Variants in METAP1 observed in about 807,000 individuals in gnomAD.
METAP1 encodes the protein methionine aminopeptidase 1.
Under a neutral mutation model 53.8 loss-of-function variants are expected in METAP1, and 28 were observed. That is an observed-to-expected ratio of 0.52 (90% CI 0.39 to 0.71). The LOEUF is 0.71. Among genes scored for constraint, METAP1 ranks in the 30% least tolerant of loss-of-function variants. The pLI, the probability that METAP1 is intolerant of heterozygous loss-of-function variation, is 0.00. For synonymous variants in METAP1, 181 were observed against 165.7 expected, an observed-to-expected ratio of 1.09 and a Z score of -0.71; for missense variants, 389 against 479.8, an observed-to-expected ratio of 0.81 and a Z score of 1.77.
At chr4:99,048,213 G>A (rs1343078519) in intron 8 of METAP1, among the ~76,000 whole-genome samples, 1 of 152,114 alleles carries the variant, frequency 6.6e-6, no homozygotes, top group Non-Finnish European at 1.5e-5. Flanking sequence ...TGAGTCTAAC[G>A]TTTTTGGCAT....
chr4:99,033,856 A>C (rs1725237159), intron 2 of METAP1, among the ~76,000 whole-genome samples: 1 of 152,166 alleles, frequency 6.6e-6, no homozygotes, highest in African/African-American at 2.4e-5. Context: ...AGGTTTTACT[A>C]GGGCTTATGT....
chr4:99,060,374 T>TC (rs978438303), intron 10 of METAP1, among the ~76,000 whole-genome samples: 2 of 148,860 alleles, frequency 1.3e-5, no homozygotes, highest in Non-Finnish European at 3.0e-5. Context: ...TTTTTTTTTT[T>TC]TTTTTTTGAG....
At chr4:99,037,893 G>A (rs1725551444) in intron 4 of METAP1, 1 of 151,818 alleles carries the variant, frequency 6.6e-6, no homozygotes, top group Admixed American at 6.6e-5. Flanking sequence ...GATTAATTTT[G>A]GAAGAATTGA....
chr4:99,058,916 A>G (rs748043157), intron 10 of METAP1, among the ~76,000 whole-genome samples: 7 of 152,266 alleles, frequency 4.6e-5, no homozygotes, highest in South Asian at 2.1e-4. Flanking sequence ...GTTATGTTAT[A>G]TACTTTAAAA....
intron 1 of METAP1, among the ~76,000 whole-genome samples, chr4:99,010,252 G>A (rs1723401214): frequency 1.3e-5 from 2 of 152,116 alleles, no homozygotes; most frequent in South Asian, 2.1e-4. Flanking sequence ...CCAGGAATTC[G>A]AAACCAGTTT....
chr4:99,030,795 T>A (rs1385439422), intron 2 of METAP1, among the ~76,000 whole-genome samples: 1 of 146,090 alleles, frequency 6.8e-6, no homozygotes, highest in African/African-American at 2.5e-5. Context: ...TTTTTTTTTT[T>A]AAGTATAGTG....
intron 10 of METAP1, 60 bp downstream of exon 10, chr4:99,057,878 C>G (rs1177620514): frequency 2.6e-5 from 37 of 1,426,584 alleles, no homozygotes; most frequent in Non-Finnish European, 3.5e-5. Flanking sequence ...TTAGGTAATT[C>G]ATCATGTCAG....
At chr4:99,019,527 A>G (rs999412179) in intron 1 of METAP1, among the ~76,000 whole-genome samples, 2 of 151,808 alleles carry the variant, frequency 1.3e-5, no homozygotes, top group Admixed American at 6.6e-5. Context: ...CTACATCTCC[A>G]CCCTTTATGA....
At chr4:99,038,515 A>G (rs1034394135) in intron 4 of METAP1, among the ~76,000 whole-genome samples, 1 of 152,122 alleles carries the variant, frequency 6.6e-6, no homozygotes, top group African/African-American at 2.4e-5. Context: ...GCCTTCTGGT[A>G]TGAATCTCAC....
intron 1 of METAP1, among the ~76,000 whole-genome samples, chr4:99,008,568 T>C (rs1212043192): frequency 1.3e-5 from 2 of 152,196 alleles, no homozygotes; most frequent in Admixed American, 6.5e-5. Flanking sequence ...TATATACAGG[T>C]TAAGAACATG....
At chr4:99,056,719 G>A (rs1280091087) in intron 9 of METAP1, among the ~76,000 whole-genome samples, 1 of 151,812 alleles carries the variant, frequency 6.6e-6, no homozygotes, top group Admixed American at 6.6e-5. Flanking sequence ...ACAGGCCCCC[G>A]CCACCACGCC....
chr4:98,998,607 G>A (rs1185251582), intron 1 of METAP1, among the ~76,000 whole-genome samples: 4 of 152,152 alleles, frequency 2.6e-5, no homozygotes, highest in African/African-American at 7.2e-5. Flanking sequence ...ATCACTAGGA[G>A]GTCTTTCTTT....
chr4:99,006,862 G>T (rs919098277), intron 1 of METAP1, among the ~76,000 whole-genome samples: 1 of 151,996 alleles, frequency 6.6e-6, no homozygotes, highest in Non-Finnish European at 1.5e-5. Flanking sequence ...ACACATTTTT[G>T]ATTAACTGTT....
At position 99,022,357 on chromosome 4, in the gene METAP1, G is replaced by T. The variant is rs187258807; in HGVS notation, c.115-6510G>T. ...AGATCCCTCCATGCTCTCTGAGGGT[G>T]GCGGGGCTCCAAAGATCCTGGCCAG... On this transcript the variant is annotated intron_variant, in intron 1 of 10. Coordinates refer to ENST00000296411, the MANE Select transcript of METAP1 (RefSeq NM_015143.3). 338 of 878,480 alleles carry T rather than the reference G, an allele frequency of 3.8e-4. 3 individuals carry two copies. In the African/African-American group the frequency reaches 5.2e-3, roughly 13 times the overall value. 54.4% of individuals were successfully genotyped at this position (878,480 alleles called of 1,614,324 possible).
intron 10 of METAP1, among the ~76,000 whole-genome samples, chr4:99,060,403 G>A (rs866035009): frequency 1.5e-5 from 2 of 131,362 alleles, no homozygotes; most frequent in East Asian, 2.3e-4. Flanking sequence ...TTGGTCTGTC[G>A]CCCAGGCTGG....
At chr4:99,014,725 G>C (rs1446886414) in intron 1 of METAP1, among the ~76,000 whole-genome samples, 2 of 152,156 alleles carry the variant, frequency 1.3e-5, no homozygotes, top group East Asian at 3.9e-4. Flanking sequence ...TTGGACTAGA[G>C]TGCAAGTACC....
At position 99,031,635 on chromosome 4, in the gene METAP1, G is replaced by A; in HGVS notation, c.167-2595G>A. On this transcript the variant is annotated intron_variant, in intron 2 of 10. Coordinates refer to ENST00000296411, the MANE Select transcript of METAP1 (RefSeq NM_015143.3). Reference sequence around the variant, plus strand: ...GAGGATTAAATAAAGAAATCCATGAGAAGTGCTTAGCATGTGTACCATGCA... The same window carrying A: ...GAGGATTAAATAAAGAAATCCATGAAAAGTGCTTAGCATGTGTACCATGCA... 2.5e-6 allele frequency: 3 copies of A among 1,218,516 alleles called. No homozygotes were observed. The South Asian group carries it at 3.8e-5, about 15-fold the overall frequency. The allele number at this position is 1,218,516 out of a possible 1,614,324, so 75.5% of individuals were successfully genotyped here. A position where few individuals can be genotyped will look rare whatever the true frequency, so the allele number is the denominator to read the frequency against.
intron 1 of METAP1, among the ~76,000 whole-genome samples, chr4:98,998,934 G>A (rs538525275): frequency 5.9e-5 from 9 of 151,752 alleles, no homozygotes; most frequent in African/African-American, 1.2e-4. Context: ...CCTCAGCCTC[G>A]CAAGTAGATG....
intron 9 of METAP1, among the ~76,000 whole-genome samples, chr4:99,055,236 C>G (rs776679157): frequency 6.6e-6 from 1 of 151,810 alleles, no homozygotes; most frequent in Non-Finnish European, 1.5e-5. Context: ...ACTAAAAATA[C>G]AAAAATTAGC....
Sources: gnomAD v4.1 joint callset for allele counts (sites outside exome capture counted in the v4.1 genomes callset) on GRCh38, gnomAD v4.1.1 for gene constraint, MANE v1.5 for transcripts, NCBI Gene and HGNC (gene_info 2026-07-23, HGNC 2026-07-21) for gene names.